DLG2: variants seen among roughly 807,000 people sequenced by gnomAD.
DLG2 encodes the protein disks large homolog 2.
DLG2 carries 45 observed loss-of-function variants against 132.5 expected under a neutral mutation model. The observed-to-expected ratio is 0.34, with a 90% CI of 0.27 to 0.44. The LOEUF is 0.44. Ranked by LOEUF, DLG2 falls within the 20% of genes least tolerant of loss-of-function variation. The pLI is 1.00. For missense variants in DLG2, 1,045 were observed against 1,196.9 expected, an observed-to-expected ratio of 0.87 and a Z score of 1.87; for synonymous variants, 424 against 419.6, an observed-to-expected ratio of 1.01 and a Z score of -0.13.
At chr11:84,427,126 T>C (rs1270330297) in intron 7 of DLG2, among the ~76,000 whole-genome samples, 6 of 152,062 alleles carry the variant, frequency 3.9e-5, no homozygotes, top group Non-Finnish European at 1.5e-5. Context: ...AGGGGGATAG[T>C]AGAGTAAGAG....
At chr11:84,601,792 C>T (rs1374567314) in intron 6 of DLG2, among the ~76,000 whole-genome samples, 1 of 151,866 alleles carries the variant, frequency 6.6e-6, no homozygotes, top group African/African-American at 2.4e-5. Context: ...ATAATCATGA[C>T]TATAGATAGA....
At chr11:84,557,679 G>A (rs1438072390) in intron 6 of DLG2, among the ~76,000 whole-genome samples, 1 of 150,854 alleles carries the variant, frequency 6.6e-6, no homozygotes, top group African/African-American at 2.4e-5. Flanking sequence ...TTTTCTGAGA[G>A]AGATATTTGG....
chr11:84,272,023 C>G (rs1294813835), intron 7 of DLG2: 1 of 150,060 alleles, frequency 6.7e-6, no homozygotes, highest in Non-Finnish European at 1.5e-5. Context: ...TTTCTAGATT[C>G]TAGTTCAAAG....
chr11:85,473,601 C>T (rs59155263), intron 3 of DLG2, among the ~76,000 whole-genome samples: 3,421 of 151,724 alleles, frequency 0.023, 121 homozygotes, highest in African/African-American at 0.077. Context: ...AACATAATGA[C>T]CACTTTTAAA....
chr11:85,241,387 T>C (rs1162384392), intron 4 of DLG2, among the ~76,000 whole-genome samples: 1 of 151,932 alleles, frequency 6.6e-6, no homozygotes, highest in African/African-American at 2.4e-5. Flanking sequence ...ATTTCTTTTT[T>C]CTTGTTTTAC....
At chr11:84,821,405 T>C (rs532821087) in intron 6 of DLG2, among the ~76,000 whole-genome samples, 61 of 151,890 alleles carry the variant, frequency 4.0e-4, no homozygotes, top group African/African-American at 1.4e-3. Context: ...GAAGAAGCCA[T>C]ATATAAATGA....
At chr11:84,711,027 T>TAG (rs767455222) in intron 6 of DLG2, among the ~76,000 whole-genome samples, 4,917 of 107,962 alleles carry the variant, frequency 0.046, 115 homozygotes, top group Middle Eastern at 0.1. Context: ...TATATATATA[T>TAG]ATATAGAGCT....
chr11:84,262,771 T>C (rs2097563937), intron 7 of DLG2, among the ~76,000 whole-genome samples: 1 of 152,178 alleles, frequency 6.6e-6, no homozygotes, highest in Non-Finnish European at 1.5e-5. Flanking sequence ...AGTGAGAACA[T>C]ACAATGTTTG....
chr11:83,754,369 A>T (rs1416464892), intron 18 of DLG2, among the ~76,000 whole-genome samples: 6 of 151,242 alleles, frequency 4.0e-5, no homozygotes. Context: ...CAATAAGAGG[A>T]TTAGAATTGC....
intron 8 of DLG2, among the ~76,000 whole-genome samples, chr11:84,194,777 G>A (rs2096483437): frequency 6.6e-6 from 1 of 152,198 alleles, no homozygotes; most frequent in Admixed American, 6.5e-5. Flanking sequence ...GGGGCCGCAG[G>A]CAGAGCTGCC....
chr11:84,219,787 C>T (rs2154323123), intron 8 of DLG2, among the ~76,000 whole-genome samples: 2 of 152,310 alleles, frequency 1.3e-5, no homozygotes, highest in Middle Eastern at 3.4e-3. Context: ...CCCCTTAAGA[C>T]CTGCAGCCAG....
intron 6 of DLG2, among the ~76,000 whole-genome samples, chr11:84,883,812 T>A (rs1410037821): frequency 6.6e-6 from 1 of 152,106 alleles, no homozygotes; most frequent in African/African-American, 2.4e-5. Flanking sequence ...TAAGAAGCAA[T>A]AGGGTGATAC....
intron 6 of DLG2, among the ~76,000 whole-genome samples, chr11:84,748,343 A>G (rs2065660361): frequency 2.0e-5 from 3 of 152,314 alleles, no homozygotes. Flanking sequence ...CAAGTAGCTC[A>G]TAATCACATT....
At chr11:84,520,623 T>A (rs891200054) in intron 7 of DLG2, among the ~76,000 whole-genome samples, 3 of 152,134 alleles carry the variant, frequency 2.0e-5, no homozygotes, top group Admixed American at 1.3e-4. Flanking sequence ...CAGCTCCTTT[T>A]TCTTTATCAT....
intron 6 of DLG2, among the ~76,000 whole-genome samples, chr11:84,620,862 G>A (rs1208213103): frequency 6.6e-6 from 1 of 152,068 alleles, no homozygotes; most frequent in South Asian, 2.1e-4. Flanking sequence ...GGAAACTTGT[G>A]TACTGATACC....
intron 2 of DLG2, among the ~76,000 whole-genome samples, chr11:85,604,971 TGAA>T (rs1438901187): frequency 1.3e-5 from 2 of 152,016 alleles, no homozygotes; most frequent in South Asian, 4.1e-4. Context: ...GCTTAAAAAA[TGAA>T]GAATTACAGA....
At chr11:84,223,241 A>T (rs2096940640) in intron 8 of DLG2, among the ~76,000 whole-genome samples, 1 of 152,214 alleles carries the variant, frequency 6.6e-6, no homozygotes, top group African/African-American at 2.4e-5. Context: ...GAGAGTAGTC[A>T]GACCAAGTAG....
intron 7 of DLG2, among the ~76,000 whole-genome samples, chr11:84,465,585 C>A (rs1365446617): frequency 1.3e-5 from 2 of 151,178 alleles, no homozygotes; most frequent in East Asian, 1.9e-4. Flanking sequence ...CATGTGAAAT[C>A]TCGCTTCTAT....
At position 83,651,010 on chromosome 11, in the gene DLG2, A is replaced by T. The variant is rs181628371; in HGVS notation, c.1826-17685T>A. On this transcript the variant is annotated intron_variant, in intron 18 of 27. Coordinates refer to ENST00000376104, the MANE Select transcript of DLG2 (RefSeq NM_001142699.3). ...AATTAATCATGCCCCTCTTCATCTT[A>T]CTTACTCTATACCTCATATATATAT... Among the ~76,000 whole-genome samples the T allele has an allele frequency of 4.0e-3, 616 of 152,244 alleles. 2 individuals are homozygous for T. The highest frequency in any genetic ancestry group is 5.5e-3 in the Non-Finnish European group (371 of 67,996).
Sources: allele counts gnomAD v4.1 joint callset (sites outside exome capture counted in the v4.1 genomes callset), GRCh38; gene constraint gnomAD v4.1.1; transcripts MANE v1.5; gene names NCBI Gene and HGNC (gene_info 2026-07-23, HGNC 2026-07-21).